TSC22D1: variants seen among roughly 807,000 people sequenced by gnomAD.
The protein encoded by TSC22D1 is TSC22 domain family protein 1.
A neutral mutation model predicts 74.2 loss-of-function variants in TSC22D1; 9 were observed. The ratio of observed to expected loss-of-function variants is 0.12; its 90% CI spans 0.07 to 0.21. TSC22D1 has a LOEUF of 0.21. Among genes scored for constraint, TSC22D1 ranks in the 10% least tolerant of loss-of-function variants. The pLI is 1.00. For missense variants in TSC22D1, 1,427 were observed against 1,304.7 expected (o/e 1.09, Z -1.44); for synonymous variants, 586 against 492.5 (o/e 1.19, Z -2.51).
chr13:44,473,505 AAAAT>A (rs1231503223), intron 1 of TSC22D1, among the ~76,000 whole-genome samples: 7 of 152,126 alleles, frequency 4.6e-5, no homozygotes, highest in South Asian at 2.1e-4. Context: ...CTAAAAATAA[AAAAT>A]AAATAAATAA....
chr13:44,521,002 G>A (rs1880288252), intron 1 of TSC22D1, among the ~76,000 whole-genome samples: 1 of 152,146 alleles, frequency 6.6e-6, no homozygotes, highest in Admixed American at 6.5e-5. Flanking sequence ...TGCAGATGAG[G>A]AAACTGAGAC....
intron 1 of TSC22D1, among the ~76,000 whole-genome samples, chr13:44,557,143 CAA>C (rs1198929015): frequency 7.0e-6 from 1 of 142,024 alleles, no homozygotes. Context: ...AACTCAGTCT[CAA>C]AGGAAAAAAA....
At chr13:44,498,119 A>C (rs1303167160) in intron 1 of TSC22D1, among the ~76,000 whole-genome samples, 1 of 151,312 alleles carries the variant, frequency 6.6e-6, no homozygotes, top group Non-Finnish European at 1.5e-5. Flanking sequence ...AAATGTCTCC[A>C]CAAAAATGTC....
chr13:44,438,999 C>T (rs919291599), intron 1 of TSC22D1, among the ~76,000 whole-genome samples: 5 of 152,142 alleles, frequency 3.3e-5, no homozygotes, highest in South Asian at 4.1e-4. Context: ...TTTTTAAATT[C>T]CAAGCTGCAG....
Position 44,574,667 on chromosome 13 carries a change from C to T in TSC22D1, c.1408G>A (p.Val470Met). The T allele has an allele frequency of 6.2e-7, 1 of 1,614,140 alleles. No individual in the cohort carries two copies. The highest frequency in any genetic ancestry group is 2.2e-5 in the East Asian group (1 of 44,882). ...SERESTSGSS[V>M]SSSVSTLSHY... Reference sequence around the variant, plus strand: ...CTCAGTGTGCTGACACTACTGCTCACTGAACTCCCACTAGTGCTCTCCCTT... The same window carrying T: ...CTCAGTGTGCTGACACTACTGCTCATTGAACTCCCACTAGTGCTCTCCCTT... The change falls in exon 1 of 3, where the codon GTG becomes ATG. Residue 470 changes from valine (V) to methionine (M), a missense_variant. By Grantham distance (21) the Val-to-Met change is conservative (BLOSUM62 1). Around this residue, in one of 3 missense-constraint regions of TSC22D1, gnomAD observed 1,343 missense variants for 1,191.5 expected, o/e 1.13. Coordinates refer to ENST00000458659, the MANE Select transcript of TSC22D1 (RefSeq NM_183422.4).
intron 1 of TSC22D1, among the ~76,000 whole-genome samples, chr13:44,518,769 C>T (rs1279211253): frequency 1.3e-5 from 2 of 152,084 alleles, no homozygotes; most frequent in Non-Finnish European, 2.9e-5. Context: ...TTACTTAGTC[C>T]ATCCCTTAAT....
intron 1 of TSC22D1, among the ~76,000 whole-genome samples, chr13:44,440,185 C>G (rs960318478): frequency 6.6e-6 from 1 of 152,172 alleles, no homozygotes; most frequent in Non-Finnish European, 1.5e-5. Flanking sequence ...ACTGTCAAAA[C>G]AAGAAGAAAT....
rs571729810 is a variant in TSC22D1 at position 44,471,997 on chromosome 13, G to A, written c.2913-35902C>T. 5.3e-5 allele frequency among the ~76,000 whole-genome samples: 8 copies of A among 152,290 alleles called. No individual in the cohort carries two copies. In the South Asian group the frequency reaches 1.2e-3, roughly 24 times the overall value. ...CTCAGTTATCAGATCCACTGTCAGC[G>A]TGTCAAAGTGATTGGAGGATTCAAG... On this transcript the variant is annotated intron_variant, in intron 1 of 2. Transcript: ENST00000458659.
intron 1 of TSC22D1, among the ~76,000 whole-genome samples, chr13:44,555,606 A>AAAAT (rs200171817): frequency 0.033 from 4,986 of 151,892 alleles, 93 homozygotes; most frequent in South Asian, 0.042. Context: ...ACCCTGTCTA[A>AAAAT]AAATAAATAA....
At chr13:44,463,358 T>C (rs1877102242) in intron 1 of TSC22D1, among the ~76,000 whole-genome samples, 1 of 152,254 alleles carries the variant, frequency 6.6e-6, no homozygotes, top group African/African-American at 2.4e-5. Flanking sequence ...ATCTGCAAGC[T>C]TCTCACATAT....
chr13:44,447,744 A>T (rs9533854), intron 1 of TSC22D1, among the ~76,000 whole-genome samples: 16,706 of 151,776 alleles, frequency 0.11, 976 homozygotes, highest in African/African-American at 0.14. Context: ...AAACAATTTT[A>T]AGTTTTCCCA....
intron 1 of TSC22D1, among the ~76,000 whole-genome samples, chr13:44,456,642 AAAC>A (rs1876671543): frequency 2.0e-5 from 3 of 152,240 alleles, no homozygotes; most frequent in Non-Finnish European, 2.9e-5. Context: ...AACCTAGAGG[AAAC>A]AGAGACAGTG....
chr13:44,573,946 A>G lies in TSC22D1; in HGVS notation c.2129T>C (p.Val710Ala). Residue 710 changes from valine to alanine, a missense_variant, in exon 1 of 3, where the codon GTC becomes GCC. Physicochemically the swap from Val to Ala is moderately conservative, Grantham distance 64. Around this residue, in one of 3 missense-constraint regions of TSC22D1, gnomAD observed 1,343 missense variants for 1,191.5 expected, o/e 1.13. Transcript: ENST00000458659. ...AVPAQPAGAS[V>A]QPVGQAPAAV... ...TGCCGGAGCCTGGCCAACAGGCTGGACAGATGCCCCTGCAGGTTGTGCTGG... is the reference window on the plus strand; with the variant it reads ...TGCCGGAGCCTGGCCAACAGGCTGGGCAGATGCCCCTGCAGGTTGTGCTGG... The G allele has an allele frequency of 6.2e-7, 1 of 1,614,162 alleles. No individual in the cohort carries two copies. The highest frequency in any genetic ancestry group is 8.5e-7 in the Non-Finnish European group (1 of 1,180,048).
upstream of TSC22D1, chr13:44,576,348 C>G (rs997492638): frequency 1.4e-5 from 6 of 438,100 alleles, no homozygotes; most frequent in Admixed American, 4.0e-5. Flanking sequence ...AGCCTCACAC[C>G]CCCCTTTATA....
chr13:44,525,795 CAAAAAAAAAAAAA>C (rs59399056), intron 1 of TSC22D1, among the ~76,000 whole-genome samples: 1 of 88,552 alleles, frequency 1.1e-5, no homozygotes, highest in Non-Finnish European at 2.6e-5. Context: ...TAGCTTTTAA[CAAAAAAAAAAAAA>C]AAAAAAAAAT....
Position 44,576,226 on chromosome 13 carries a change from G to A in TSC22D1, c.-152C>T, listed in dbSNP as rs1884235430. On this transcript the variant is annotated 5_prime_UTR_variant, in exon 1 of 3. Coordinates refer to ENST00000458659, the MANE Select transcript of TSC22D1 (RefSeq NM_183422.4). ...TCCTCCTCAGCCAAAGGCGCCGGTCGCTCCTGCCTTCGAGAGCGAGCTTCG... is the reference window on the plus strand; with the variant it reads ...TCCTCCTCAGCCAAAGGCGCCGGTCACTCCTGCCTTCGAGAGCGAGCTTCG... 4.3e-6 allele frequency: 5 copies of A among 1,171,510 alleles called. No individual in the cohort carries two copies. The highest frequency in any genetic ancestry group is 3.1e-5 in the African/African-American group (2 of 64,402). The allele number at this position is 1,171,510 out of a possible 1,614,324, so 72.6% of individuals were successfully genotyped here.
rs957073319 is a variant in TSC22D1 at position 44,433,251 on chromosome 13, T to C, written c.*1375A>G. 6.6e-6 allele frequency: 1 copy of C among 152,242 alleles called. No homozygotes were observed. The highest frequency in any genetic ancestry group is 1.5e-5 in the Non-Finnish European group (1 of 68,054). 9.4% of individuals were successfully genotyped at this position (152,242 alleles called of 1,614,324 possible). ...AGGGGAATGTAAGAGATCATCTCTT[T>C]CAAACCCCTACATCCGTCCAGGAGT... On this transcript the variant is annotated 3_prime_UTR_variant, in exon 3 of 3. Transcript: ENST00000458659.
chr13:44,435,555 AC>A (rs1311988890), intron 2 of TSC22D1, among the ~76,000 whole-genome samples: 1 of 152,124 alleles, frequency 6.6e-6, no homozygotes, highest in Admixed American at 6.5e-5. Context: ...AGAAAACAAA[AC>A]TTTTTCTCTG....
intron 1 of TSC22D1, among the ~76,000 whole-genome samples, chr13:44,553,120 A>C (rs1045347209): frequency 6.6e-6 from 1 of 152,212 alleles, no homozygotes; most frequent in Admixed American, 6.5e-5. Context: ...GACCAACGAC[A>C]TTTCTCATAT....
Sources: gnomAD v4.1 joint callset for allele counts (sites outside exome capture counted in the v4.1 genomes callset) on GRCh38, gnomAD v4.1.1 for gene constraint, gnomAD v4.1.1 regional missense constraint, MANE v1.5 for transcripts, NCBI Gene and HGNC (gene_info 2026-07-23, HGNC 2026-07-21) for gene names.